Variants in KIF3B observed in about 807,000 individuals in gnomAD.
KIF3B encodes kinesin family member 3B.
Under a neutral mutation model 74.3 loss-of-function variants are expected in KIF3B, and 38 were observed. The observed-to-expected ratio is 0.51, with a 90% confidence interval of 0.39 to 0.67. The LOEUF (loss-of-function observed/expected upper bound fraction) is 0.67, where lower values mean the gene tolerates loss of function less well. Among genes scored for constraint, KIF3B ranks in the 30% least tolerant of loss-of-function variants. KIF3B has a pLI of 0.00. For missense variants in KIF3B, 649 were observed against 932.0 expected (o/e 0.70, Z 3.95); for synonymous variants, 326 against 342.5 (o/e 0.95, Z 0.53).
Position 32,330,173 on chromosome 20 carries a change from G to A in KIF3B, c.2001G>A (p.Met667Ile). ...AENIVLLELDMPSRTTRDYEG... is the reference protein window; with the variant it reads ...AENIVLLELDIPSRTTRDYEG... ...ACATTGTGCTGTTAGAGCTGGACATGCCCAGCCGGACCACCAGAGACTATG... is the reference window on the plus strand; with the variant it reads ...ACATTGTGCTGTTAGAGCTGGACATACCCAGCCGGACCACCAGAGACTATG... The change falls in exon 8 of 9, where the codon ATG becomes ATA. Residue 667 changes from methionine (M) to isoleucine (I), a missense_variant. Around this residue, in one of 4 missense-constraint regions of KIF3B, gnomAD observed 186 missense variants for 198.5 expected, o/e 0.94. Coordinates refer to ENST00000375712, the MANE Select transcript of KIF3B (RefSeq NM_004798.4). 1 of 1,613,984 alleles carries A rather than the reference G, an allele frequency of 6.2e-7. No homozygotes were observed. The highest frequency in any genetic ancestry group is 8.5e-7 in the Non-Finnish European group (1 of 1,179,974).
At chr20:32,280,129 A>G (rs1423885259) in intron 1 of KIF3B, among the ~76,000 whole-genome samples, 1 of 152,160 alleles carries the variant, frequency 6.6e-6, no homozygotes, top group Non-Finnish European at 1.5e-5. Flanking sequence ...CTGTGGCCTT[A>G]TTATCATGTA....
intron 1 of KIF3B, among the ~76,000 whole-genome samples, chr20:32,297,865 TG>T (rs1321918539): frequency 6.6e-6 from 1 of 152,008 alleles, no homozygotes; most frequent in Non-Finnish European, 1.5e-5. Flanking sequence ...CCCAGCACTT[TG>T]GGAGGCTGAG....
rs1281015769 is a variant in KIF3B at position 32,310,312 on chromosome 20, C to G, written c.535C>G (p.Leu179Val). Reference sequence around the variant, plus strand: ...TGACACAGGAGTGTATGTGAAAGACCTGTCTTCCTTTGTCACCAAGAGTGT... The same window carrying G: ...TGACACAGGAGTGTATGTGAAAGACGTGTCTTCCTTTGTCACCAAGAGTGT... ...RPDTGVYVKD[L>V]SSFVTKSVKE... Residue 179 changes from leucine (L) to valine (V), a missense_variant, in exon 2 of 9, where the codon CTG becomes GTG. By Grantham distance (32) the Leu-to-Val change is conservative (BLOSUM62 1). Transcript: ENST00000375712. The surrounding 1 kb of genome is among the most constrained non-coding windows in gnomAD (Gnocchi z 6.5). 1 of 1,613,882 alleles carries G rather than the reference C, an allele frequency of 6.2e-7. No homozygotes were observed. The highest frequency in any genetic ancestry group is 1.1e-5 in the South Asian group (1 of 91,068).
chr20:32,293,904 A>G (rs2047704598), intron 1 of KIF3B, among the ~76,000 whole-genome samples: 1 of 152,214 alleles, frequency 6.6e-6, no homozygotes, highest in South Asian at 2.1e-4. Context: ...TATGGGTTTT[A>G]AAATAAGACA....
intron 5 of KIF3B, among the ~76,000 whole-genome samples, chr20:32,321,253 A>G (rs1316890793): frequency 6.6e-6 from 1 of 151,958 alleles, no homozygotes; most frequent in Non-Finnish European, 1.5e-5. Context: ...ATATGGTGAA[A>G]CCCTGTCTCT....
intron 2 of KIF3B, among the ~76,000 whole-genome samples, chr20:32,315,063 C>T (rs2047820450): frequency 6.6e-6 from 1 of 152,176 alleles, no homozygotes; most frequent in Non-Finnish European, 1.5e-5. Flanking sequence ...CTGCCCTCCC[C>T]AACTAGGGAG....
intron 1 of KIF3B, among the ~76,000 whole-genome samples, chr20:32,291,919 A>AT (rs1477270399): frequency 1.4e-4 from 19 of 134,488 alleles, no homozygotes; most frequent in Non-Finnish European, 2.2e-4. Flanking sequence ...GCCTCGCCTC[A>AT]TTTTTTTTTT....
chr20:32,325,655 CTTTTTT>C (rs1164604181), intron 5 of KIF3B, among the ~76,000 whole-genome samples: 2 of 51,102 alleles, frequency 3.9e-5, no homozygotes, highest in Non-Finnish European at 7.4e-5. Flanking sequence ...CTCTCTCTCT[CTTTTTT>C]TTTTTTTTTT....
intron 1 of KIF3B, among the ~76,000 whole-genome samples, chr20:32,301,803 T>C (rs908212839): frequency 2.0e-5 from 3 of 152,152 alleles, no homozygotes; most frequent in Admixed American, 1.3e-4. Context: ...CATACCTAGT[T>C]CTGGACTTTG....
At chr20:32,307,913 TG>T (rs1569199194) in intron 1 of KIF3B, among the ~76,000 whole-genome samples, 2 of 120,754 alleles carry the variant, frequency 1.7e-5, no homozygotes, top group Non-Finnish European at 3.5e-5. Context: ...AGCAGGACTC[TG>T]TCTCAAAAAA....
chr20:32,278,538 A>G (rs1023001795), intron 1 of KIF3B, among the ~76,000 whole-genome samples: 1 of 152,102 alleles, frequency 6.6e-6, no homozygotes, highest in African/African-American at 2.4e-5. Flanking sequence ...GTGCCAGCTC[A>G]TATGGGTAGT....
chr20:32,301,845 G>A (rs1252246122), intron 1 of KIF3B, among the ~76,000 whole-genome samples: 1 of 152,224 alleles, frequency 6.6e-6, no homozygotes, highest in Non-Finnish European at 1.5e-5. Context: ...AGCAAGGTGA[G>A]GATGCGTGAA....
chr20:32,291,469 A>G (rs2047690880), intron 1 of KIF3B, among the ~76,000 whole-genome samples: 1 of 152,162 alleles, frequency 6.6e-6, no homozygotes, highest in Non-Finnish European at 1.5e-5. Flanking sequence ...AAGATCCCAG[A>G]TGGCATATAA....
intron 1 of KIF3B, among the ~76,000 whole-genome samples, chr20:32,295,798 C>T (rs187435886): frequency 4.0e-5 from 6 of 151,204 alleles, no homozygotes; most frequent in African/African-American, 1.2e-4. Context: ...AAGTAGGTCC[C>T]GAATTTAGGT....
At chr20:32,283,050 T>C (rs916676618) in intron 1 of KIF3B, among the ~76,000 whole-genome samples, 7 of 152,142 alleles carry the variant, frequency 4.6e-5, no homozygotes, top group African/African-American at 1.7e-4. Flanking sequence ...ATTTATTCAT[T>C]TTGGAGACAG....
chr20:32,299,381 A>G (rs6087867), intron 1 of KIF3B, among the ~76,000 whole-genome samples: 1,246 of 13,274 alleles, frequency 0.094, 25 homozygotes, highest in East Asian at 0.45. Flanking sequence ...GTGTGTGTGT[A>G]TATATATATA....
At position 32,327,660 on chromosome 20, in the gene KIF3B, G is replaced by C; in HGVS notation, c.1967G>C (p.Arg656Thr). The C allele has an allele frequency of 1.2e-6, 2 of 1,610,320 alleles. No individual in the cohort carries two copies. Among genetic ancestry groups the C allele is most frequent in the Non-Finnish European group, 1.7e-6 (2 of 1,177,200 alleles). The change falls in exon 7 of 9, where the codon AGG (arginine) becomes ACG (threonine). Residue 656 changes from arginine (R) to threonine (T), a missense_variant and splice_region_variant. Arg to Thr is a moderately conservative substitution (Grantham distance 71). Coordinates refer to ENST00000375712, the MANE Select transcript of KIF3B (RefSeq NM_004798.4). ...SMMIRPEARY[R>T]AENIVLLELD... ...ATGATTCGTCCAGAGGCCCGATATA[G>C]GGTGAGAAGATCCTTCTTGGGTTTT...
At chr20:32,321,355 G>A (rs1202000171) in intron 5 of KIF3B, among the ~76,000 whole-genome samples, 2 of 151,890 alleles carry the variant, frequency 1.3e-5, no homozygotes, top group Non-Finnish European at 2.9e-5. Flanking sequence ...CTTGAACCTG[G>A]GAGGTGTAGG....
Position 32,319,681 on chromosome 20 carries a change from G to A in KIF3B, c.1748+2807G>A, listed in dbSNP as rs2047849077. On this transcript the variant is annotated intron_variant, in intron 5 of 8. Coordinates refer to ENST00000375712, the MANE Select transcript of KIF3B (RefSeq NM_004798.4). ...ACTCATTGCAACCTCTGCCTCCTGG[G>A]TTCAAGCGATTCTCATGCCTCAGCC... 2.7e-5 allele frequency among the ~76,000 whole-genome samples: 4 copies of A among 148,466 alleles called. No homozygotes were observed. In the Admixed American group the frequency reaches 2.7e-4, roughly 10 times the overall value.
Sources: allele counts gnomAD v4.1 joint callset (sites outside exome capture counted in the v4.1 genomes callset), GRCh38; gene constraint gnomAD v4.1.1; regional missense constraint gnomAD v4.1.1; non-coding constraint Gnocchi (gnomAD v3.1); transcripts MANE v1.5; gene names NCBI Gene and HGNC (gene_info 2026-07-23, HGNC 2026-07-21).